SERINC1: variants seen among roughly 807,000 people sequenced by gnomAD.
SERINC1 encodes the protein tumor differentially expressed protein 2.
A neutral mutation model predicts 52.9 loss-of-function variants in SERINC1; 38 were observed. The observed-to-expected ratio is 0.72, with a 90% CI of 0.55 to 0.94. The LOEUF (loss-of-function observed/expected upper bound fraction) is 0.94, where lower values mean the gene tolerates loss of function less well. Ranked by LOEUF, SERINC1 falls within the 40% of genes least tolerant of loss-of-function variation. The pLI is 0.00. For synonymous variants in SERINC1, 198 were observed against 183.1 expected (o/e 1.08, Z -0.66); for missense variants, 471 against 533.9 (o/e 0.88, Z 1.16).
At chr6:122,471,404 A>G (rs988356022) in intron 1 of SERINC1, among the ~76,000 whole-genome samples, 1 of 150,666 alleles carries the variant, frequency 6.6e-6, no homozygotes, top group African/African-American at 2.4e-5. Flanking sequence ...AGAATGGGAG[A>G]CAGCGTTCAC....
intron 1 of SERINC1, among the ~76,000 whole-genome samples, chr6:122,461,627 G>A (rs1582635993): frequency 6.6e-6 from 1 of 150,862 alleles, no homozygotes. Context: ...CCTGCACAAT[G>A]TGCACATGTA....
chr6:122,452,121 G>A (rs1774920962), intron 5 of SERINC1, 64 bp from the exon 6 acceptor site: 2 of 1,078,282 alleles, frequency 1.9e-6, no homozygotes, highest in African/African-American at 1.6e-5. Flanking sequence ...TTAGAAATGG[G>A]ACCTGTTTTA....
intron 6 of SERINC1, 22 bp from the exon 7 acceptor site, chr6:122,451,776 A>AAAAAAAAAAT: frequency 9.2e-4 from 104 of 112,970 alleles, no homozygotes; most frequent in Middle Eastern, 4.4e-3. Flanking sequence ...AAAAAAAAAA[A>AAAAAAAAAAT]ATATATATAT....
intron 1 of SERINC1, among the ~76,000 whole-genome samples, chr6:122,467,782 C>T (rs1347687926): frequency 6.6e-6 from 1 of 152,166 alleles, no homozygotes; most frequent in Non-Finnish European, 1.5e-5. Context: ...CAATAATGTT[C>T]ATTTACCAAA....
At chr6:122,471,064 CGTGT>C (rs1427914073) in intron 1 of SERINC1, among the ~76,000 whole-genome samples, 1 of 150,844 alleles carries the variant, frequency 6.6e-6, no homozygotes, top group African/African-American at 2.4e-5. Context: ...ACAAGGCATG[CGTGT>C]GTCATCTGAA....
chr6:122,459,985 T>G (rs1775073179), intron 1 of SERINC1, among the ~76,000 whole-genome samples: 2 of 152,190 alleles, frequency 1.3e-5, no homozygotes, highest in African/African-American at 4.8e-5. Flanking sequence ...AAAATAAGTT[T>G]TTCAGACAAT....
chr6:122,443,550 A>G lies in SERINC1; in HGVS notation c.*1494T>C, dbSNP rs1258742952. 4 of 152,108 alleles carry G rather than the reference A, an allele frequency of 2.6e-5. No homozygotes were observed. Among genetic ancestry groups the G allele is most frequent in the African/African-American group, 9.7e-5 (4 of 41,350 alleles). The allele number at this position is 152,108 out of a possible 1,614,324, so 9.4% of individuals were successfully genotyped here. On this transcript the variant is annotated 3_prime_UTR_variant, in exon 10 of 10. Transcript: ENST00000339697. ...GACACATACAAATAACTAAACTCTC[A>G]TACTGCTTGATTTTCAGGTTGAAAG...
chr6:122,445,234 A>G (rs1015684026), intron 9 of SERINC1, 55 bp from the exon 10 acceptor site: 2 of 1,551,376 alleles, frequency 1.3e-6, no homozygotes, highest in African/African-American at 2.7e-5. Context: ...ATTATCAGCC[A>G]CCAAGCTATG....
Position 122,444,893 on chromosome 6 carries a change from TA to T in SERINC1, c.*150del. On this transcript the variant is annotated 3_prime_UTR_variant, in exon 10 of 10. Coordinates refer to ENST00000339697, the MANE Select transcript of SERINC1 (RefSeq NM_020755.4). ...CATATCAATGCACTTGGTAAGAAAA[TA>T]ACAAAATGACAAGCAGTAAAATCTA... The T allele has an allele frequency of 1.4e-6, 1 of 701,038 alleles. No homozygotes were observed. The highest frequency in any genetic ancestry group is 2.1e-5 in the South Asian group (1 of 48,468). The allele number at this position is 701,038 out of a possible 1,614,324, so 43.4% of individuals were successfully genotyped here. A position where few individuals can be genotyped will look rare whatever the true frequency, so the allele number is the denominator to read the frequency against.
chr6:122,455,760 C>T (rs1229215915), intron 3 of SERINC1, among the ~76,000 whole-genome samples: 1 of 152,114 alleles, frequency 6.6e-6, no homozygotes, highest in East Asian at 1.9e-4. Context: ...ATGTTAGTTC[C>T]ATTTCACAGG....
intron 1 of SERINC1, among the ~76,000 whole-genome samples, chr6:122,467,594 G>A (rs997680564): frequency 4.5e-4 from 69 of 152,206 alleles, no homozygotes; most frequent in African/African-American, 1.6e-3. Context: ...GCAATGCAGT[G>A]AGATTCTGTC....
At chr6:122,460,769 T>C (rs1373375690) in intron 1 of SERINC1, among the ~76,000 whole-genome samples, 3 of 152,120 alleles carry the variant, frequency 2.0e-5, no homozygotes, top group South Asian at 2.1e-4. Flanking sequence ...AACCTGGAAA[T>C]GATATAGATA....
At chr6:122,448,674 AAG>A (rs1301998456) in intron 7 of SERINC1, among the ~76,000 whole-genome samples, 9 of 152,152 alleles carry the variant, frequency 5.9e-5, no homozygotes, top group Admixed American at 2.6e-4. Context: ...CAGGAATTTG[AAG>A]AGTTTTTCTT....
intron 7 of SERINC1, among the ~76,000 whole-genome samples, chr6:122,449,973 C>T (rs1020511924): frequency 6.6e-6 from 1 of 152,128 alleles, no homozygotes; most frequent in Non-Finnish European, 1.5e-5. Context: ...GGGATTGTGC[C>T]ATTGCACTCC....
At chr6:122,452,343 A>G (rs1774925998) in intron 5 of SERINC1, among the ~76,000 whole-genome samples, 1 of 152,188 alleles carries the variant, frequency 6.6e-6, no homozygotes, top group Non-Finnish European at 1.5e-5. Flanking sequence ...GAGTTTACAA[A>G]CTATGTTTAC....
intron 5 of SERINC1, 136 bp from the exon 6 acceptor site, chr6:122,452,193 A>T: frequency 1.9e-6 from 1 of 523,396 alleles, no homozygotes; most frequent in Non-Finnish European, 3.1e-6. Context: ...CAGCATTATA[A>T]AGGCTATAAA....
chr6:122,454,267 C>G, intron 3 of SERINC1, 37 bp from the exon 4 acceptor site: 1 of 1,074,814 alleles, frequency 9.3e-7, no homozygotes. Flanking sequence ...TATTAATAGA[C>G]ATTCATCAAA....
Position 122,451,711 on chromosome 6 carries a change from G to A in SERINC1, c.803C>T (p.Thr268Ile). The change falls in exon 7 of 10, where the codon ACA becomes ATA. Residue 268 changes from threonine to isoleucine, a missense_variant. By Grantham distance (89) the Thr-to-Ile change is moderately conservative. Transcript: ENST00000339697. The part of the protein sequence containing the change: ...RSGLLQSSVI[T>I]VYTMYLTWSA... Reference sequence around the variant, plus strand: ...CCATGTCAAATACATTGTGTAGACTGTAATTACTGAAGACTGTAACAAACC... The same window carrying A: ...CCATGTCAAATACATTGTGTAGACTATAATTACTGAAGACTGTAACAAACC... 9.6e-7 allele frequency: 1 copy of A among 1,043,570 alleles called. No homozygotes were observed. Among genetic ancestry groups the A allele is most frequent in the Non-Finnish European group, 1.3e-6 (1 of 799,178 alleles). 64.6% of individuals were successfully genotyped at this position (1,043,570 alleles called of 1,614,324 possible).
chr6:122,452,210 A>G (rs1774922186), intron 5 of SERINC1, among the ~76,000 whole-genome samples, 153 bp from the exon 6 acceptor site: 1 of 152,230 alleles, frequency 6.6e-6, no homozygotes, highest in Admixed American at 6.5e-5. Flanking sequence ...TAAAAGCAGG[A>G]AAGAAAATTA....
Sources: allele counts gnomAD v4.1 joint callset (sites outside exome capture counted in the v4.1 genomes callset), GRCh38; gene constraint gnomAD v4.1.1; transcripts MANE v1.5; gene names NCBI Gene and HGNC (gene_info 2026-07-23, HGNC 2026-07-21).